The following OPN4 variants were observed in gnomAD, a reference collection of about 807,000 sequenced individuals.
OPN4 encodes the protein opsin 4, also known as melanopsin.
In OPN4, 43 loss-of-function variants were observed where a neutral mutation model predicts 49.5. The ratio of observed to expected loss-of-function variants is 0.87; its 90% CI spans 0.68 to 1.12. The LOEUF (loss-of-function observed/expected upper bound fraction) is 1.12. OPN4 is among the 50% of genes most tolerant of loss of function. The probability of loss-of-function intolerance (pLI) is 0.00; values close to 1 mark genes in which losing one functional copy is unlikely to be tolerated. For missense variants in OPN4, 657 were observed against 643.9 expected (o/e 1.02, Z -0.22); for synonymous variants, 263 against 258.0 (o/e 1.02, Z -0.19).
intron 9 of OPN4, among the ~76,000 whole-genome samples, chr10:86,665,125 T>A (rs970353085): frequency 1.1e-4 from 17 of 152,080 alleles, no homozygotes. Context: ...GGGAGCTCAA[T>A]ATGTCCTGGA....
At chr10:86,654,976 C>T (rs1397169355) in intron 1 of OPN4, 49 bp downstream of exon 1, 1 of 1,572,164 alleles carries the variant, frequency 6.4e-7, no homozygotes, top group Non-Finnish European at 8.7e-7. Context: ...CTGACCCCTT[C>T]CTGGTCCCCT....
chr10:86,654,686 G>A lies in OPN4; in HGVS notation c.-98G>A. 4 of 1,509,164 alleles carry A rather than the reference G, an allele frequency of 2.7e-6. No individual in the cohort carries two copies. The highest frequency in any genetic ancestry group is 3.6e-6 in the Non-Finnish European group (4 of 1,113,658). 93.5% of individuals were successfully genotyped at this position (1,509,164 alleles called of 1,614,324 possible). ...GGGTAGGCTAAGCAGGGGTGCTGAGGATGGAGGAAAGTTGGGAGGCTGAGC... is the reference window on the plus strand; with the variant it reads ...GGGTAGGCTAAGCAGGGGTGCTGAGAATGGAGGAAAGTTGGGAGGCTGAGC... On this transcript the variant is annotated 5_prime_UTR_variant, in exon 1 of 10. Transcript: ENST00000241891.
intron 4 of OPN4, 72 bp from the exon 5 acceptor site, chr10:86,659,225 A>G: frequency 2.4e-6 from 3 of 1,271,088 alleles, no homozygotes; most frequent in Non-Finnish European, 1.1e-6. Context: ...AATGCCACAT[A>G]CAAAGCTCCT....
Position 86,666,084 on chromosome 10 carries a change from G to A in OPN4, c.*333G>A, listed in dbSNP as rs1844171286. ...TTGTCCAGGCGATGACAATGGTGAT[G>A]GCTCCAGAGAACACACCAGCTATTT... On this transcript the variant is annotated 3_prime_UTR_variant, in exon 10 of 10. Transcript: ENST00000241891. 5.6e-6 allele frequency: 2 copies of A among 357,068 alleles called. No individual in the cohort carries two copies. The highest frequency in any genetic ancestry group is 4.2e-5 in the African/African-American group (2 of 47,734). The allele number at this position is 357,068 out of a possible 1,614,324, so 22.1% of individuals were successfully genotyped here.
At chr10:86,664,620 C>A (rs1844101207) in intron 9 of OPN4, among the ~76,000 whole-genome samples, 1 of 152,188 alleles carries the variant, frequency 6.6e-6, no homozygotes, top group Non-Finnish European at 1.5e-5. Flanking sequence ...GCTTCCCTAG[C>A]TAGTCCAAGG....
In OPN4 at chr10:86,665,739, C is replaced by A. The variant is rs772972664; in HGVS notation, c.1425C>A (p.Asp475Glu). Residue 475 changes from aspartate to glutamate, a missense_variant, in exon 10 of 10, where the codon GAC (aspartate) becomes GAA (glutamate). Transcript: ENST00000241891. ...GKTKGLIPSQ[D>E]PRM is the part of the protein sequence containing the mutation. Reference sequence around the variant, plus strand: ...CCAAGGGGCTGATCCCCAGCCAGGACCCCAGGATGTAGGACGCCCACTGGC... The same window carrying A: ...CCAAGGGGCTGATCCCCAGCCAGGAACCCAGGATGTAGGACGCCCACTGGC... 2 of 1,613,470 alleles carry A rather than the reference C, an allele frequency of 1.2e-6. No homozygotes were observed. The highest frequency in any genetic ancestry group is 1.7e-6 in the Non-Finnish European group (2 of 1,179,502).
At chr10:86,656,108 G>A (rs779007015) in intron 1 of OPN4, 47 bp from the exon 2 acceptor site, 3 of 1,613,262 alleles carry the variant, frequency 1.9e-6, no homozygotes, top group Non-Finnish European at 8.5e-7. Flanking sequence ...ACTATTTGAA[G>A]GTGACAAGCG....
intron 1 of OPN4, 77 bp downstream of exon 1, chr10:86,655,004 G>A: frequency 6.9e-7 from 1 of 1,444,952 alleles, no homozygotes; most frequent in South Asian, 1.3e-5. Flanking sequence ...ACACACAGGG[G>A]CTTTGACAGG....
intron 9 of OPN4, 134 bp downstream of exon 9, chr10:86,663,936 A>C: frequency 9.2e-7 from 1 of 1,084,636 alleles, no homozygotes; most frequent in South Asian, 1.8e-5. Flanking sequence ...TGCTCCCAGC[A>C]CCTCCCAGCT....
chr10:86,665,871 G>T lies in OPN4; in HGVS notation c.*120G>T. On this transcript the variant is annotated 3_prime_UTR_variant, in exon 10 of 10. Transcript: ENST00000241891. ...GGCTTTGGAAGTGGCCCTGTCACCCGTGCTGCACGGGATTCACAGCCCCAG... is the reference window on the plus strand; with the variant it reads ...GGCTTTGGAAGTGGCCCTGTCACCCTTGCTGCACGGGATTCACAGCCCCAG... The T allele has an allele frequency of 2.5e-6, 2 of 792,430 alleles. No homozygotes were observed. The allele number at this position is 792,430 out of a possible 1,614,324, so 49.1% of individuals were successfully genotyped here. A position where few individuals can be genotyped will look rare whatever the true frequency, so the allele number is the denominator to read the frequency against.
chr10:86,659,804 A>C, intron 5 of OPN4, 91 bp from the exon 6 acceptor site: 1 of 1,357,818 alleles, frequency 7.4e-7, no homozygotes, highest in Non-Finnish European at 1.0e-6. Context: ...CCCTGCAAGG[A>C]TAGTCCAGAG....
In OPN4 at chr10:86,665,968, A is replaced by G. The variant is rs1335141063; in HGVS notation, c.*217A>G. The G allele has an allele frequency of 1.1e-5, 6 of 570,178 alleles. No homozygotes were observed. The Admixed American group carries it at 2.0e-4, about 19-fold the overall frequency. The allele number at this position is 570,178 out of a possible 1,614,324, so 35.3% of individuals were successfully genotyped here. A position where few individuals can be genotyped will look rare whatever the true frequency, so the allele number is the denominator to read the frequency against. On this transcript the variant is annotated 3_prime_UTR_variant, in exon 10 of 10. Transcript: ENST00000241891. ...CTCCGCATCCACTTTCCAGCTCAGC[A>G]GCCGCACCCGAGGCTCAGCCTGAGG...
Position 86,661,338 on chromosome 10 carries a change from CT to C in OPN4, c.1024del (p.Ser342LeufsTer52), listed in dbSNP as rs1161799047. 43 of 1,614,012 alleles carry C rather than the reference CT, an allele frequency of 2.7e-5. No individual in the cohort carries two copies. The highest frequency in any genetic ancestry group is 2.2e-4 in the Admixed American group (13 of 59,996). On this transcript the variant is annotated frameshift_variant, in exon 7 of 10. Transcript: ENST00000241891. LOFTEE classifies it high-confidence loss of function. ...CGGTGCCAGCCGTCATCGCCAAGGC[CT>C]CTGCAATCCACAACCCCATCATTTA... ...SSVPAVIAKASAIHNPIIYAI... is the reference protein window; with the variant it reads ...SSVPAVIAKAXAIHNPIIYAI...
chr10:86,658,580 G>A lies in OPN4; in HGVS notation c.521G>A (p.Arg174His), dbSNP rs764792593. ...CTGGACCGCTACCTGGTAATCACAC[G>A]CCCGCTGGCCACCTTTGGTGTGGCG... ...IALDRYLVIT[R>H]PLATFGVASK... Residue 174 changes from arginine (R) to histidine (H), a missense_variant, in exon 4 of 10, where the codon CGC becomes CAC. Coordinates refer to ENST00000241891, the MANE Select transcript of OPN4 (RefSeq NM_033282.4). The A allele has an allele frequency of 1.2e-5, 19 of 1,614,050 alleles. No individual in the cohort carries two copies. The African/African-American group carries it at 1.3e-4, about 11-fold the overall frequency.
intron 9 of OPN4, among the ~76,000 whole-genome samples, chr10:86,665,308 G>A (rs1198779311): frequency 6.6e-6 from 1 of 152,104 alleles, no homozygotes; most frequent in East Asian, 1.9e-4. Flanking sequence ...GCCCTGGGAG[G>A]GGGTTGGTTA....
At chr10:86,656,387 T>G in intron 2 of OPN4, 87 bp downstream of exon 2, 1 of 1,473,498 alleles carries the variant, frequency 6.8e-7, no homozygotes, top group Non-Finnish European at 9.2e-7. Flanking sequence ...ATGTTGACTC[T>G]AGCTCTGGCC....
intron 2 of OPN4, 88 bp from the exon 3 acceptor site, chr10:86,657,944 T>G: frequency 7.3e-7 from 1 of 1,376,278 alleles, no homozygotes; most frequent in Non-Finnish European, 1.0e-6. Context: ...GGCACGTGTG[T>G]GCACATGCAT....
In OPN4 at chr10:86,665,978, G is replaced by A. The variant is rs757506395; in HGVS notation, c.*227G>A. On this transcript the variant is annotated 3_prime_UTR_variant, in exon 10 of 10. Transcript: ENST00000241891. ...ACTTTCCAGCTCAGCAGCCGCACCC[G>A]AGGCTCAGCCTGAGGGGTATGTGCC... 7.1e-5 allele frequency: 40 copies of A among 567,104 alleles called. 1 individual carries two copies. The highest frequency in any genetic ancestry group is 5.6e-4 in the South Asian group (26 of 46,068). The allele number at this position is 567,104 out of a possible 1,614,324, so 35.1% of individuals were successfully genotyped here.
At position 86,662,381 on chromosome 10, in the gene OPN4, C is replaced by A. The variant is rs1281035567; in HGVS notation, c.1203C>A (p.Ser401Arg). ...STLTSHTSNL[S>R]WISIRRRQES... Reference sequence around the variant, plus strand: ...TGACCAGCCACACCTCCAACCTCAGCTGGATCTCCATACGGAGGCGCCAGG... The same window carrying A: ...TGACCAGCCACACCTCCAACCTCAGATGGATCTCCATACGGAGGCGCCAGG... The change falls in exon 8 of 10, where the codon AGC becomes AGA. Residue 401 changes from serine to arginine, a missense_variant. Physicochemically the swap from Ser to Arg is moderately radical, Grantham distance 110 (BLOSUM62 -1). Transcript: ENST00000241891. 1.9e-6 allele frequency: 3 copies of A among 1,577,368 alleles called. No homozygotes were observed. The highest frequency in any genetic ancestry group is 2.6e-6 in the Non-Finnish European group (3 of 1,162,600).
Sources: gnomAD v4.1 joint callset for allele counts (sites outside exome capture counted in the v4.1 genomes callset) on GRCh38, gnomAD v4.1.1 for gene constraint, MANE v1.5 for transcripts, NCBI Gene and HGNC (gene_info 2026-07-23, HGNC 2026-07-21) for gene names.